ADAMTS6: variants seen among roughly 807,000 people sequenced by gnomAD.
ADAMTS6 encodes A disintegrin and metalloproteinase with thrombospondin motifs 6.
Under a neutral mutation model 144.3 loss-of-function variants are expected in ADAMTS6, and 23 were observed. The observed-to-expected ratio is 0.16, with a 90% confidence interval of 0.11 to 0.23. The LOEUF is 0.23. ADAMTS6 is among the 10% of genes least tolerant of loss of function. The probability of loss-of-function intolerance (pLI) is 1.00; values close to 1 mark genes in which losing one functional copy is unlikely to be tolerated. For synonymous variants in ADAMTS6, 444 were observed against 457.5 expected, an observed-to-expected ratio of 0.97 and a Z score of 0.38; for missense variants, 999 against 1,379.6, an observed-to-expected ratio of 0.72 and a Z score of 4.37.
chr5:65,426,916 C>G (rs952425428), intron 7 of ADAMTS6, among the ~76,000 whole-genome samples: 2 of 150,686 alleles, frequency 1.3e-5, no homozygotes, highest in Admixed American at 1.3e-4. Context: ...GGATAAACAG[C>G]TCTACACAAG....
chr5:65,183,313 A>G (rs1243123625), intron 22 of ADAMTS6, among the ~76,000 whole-genome samples: 1 of 152,178 alleles, frequency 6.6e-6, no homozygotes, highest in African/African-American at 2.4e-5. Flanking sequence ...CCAACAATCA[A>G]CTGAAGTCTG....
intron 10 of ADAMTS6, among the ~76,000 whole-genome samples, chr5:65,292,953 T>C (rs1349140063): frequency 5.9e-5 from 9 of 152,122 alleles, no homozygotes; most frequent in African/African-American, 9.6e-5. Flanking sequence ...AATTGACATG[T>C]ACCTCAGCAA....
intron 9 of ADAMTS6, among the ~76,000 whole-genome samples, chr5:65,309,120 G>A (rs967110262): frequency 1.8e-4 from 27 of 152,056 alleles, no homozygotes; most frequent in Non-Finnish European, 4.0e-4. Context: ...TGGGGTTGGT[G>A]GCGGGGGGGT....
intron 16 of ADAMTS6, among the ~76,000 whole-genome samples, chr5:65,225,540 A>G (rs1249711281): frequency 6.6e-6 from 1 of 152,208 alleles, no homozygotes; most frequent in Non-Finnish European, 1.5e-5. Context: ...GGAAAATAGC[A>G]TGGATTTGCT....
At chr5:65,303,448 T>C (rs1318421484) in intron 9 of ADAMTS6, among the ~76,000 whole-genome samples, 1 of 152,108 alleles carries the variant, frequency 6.6e-6, no homozygotes, top group Non-Finnish European at 1.5e-5. Flanking sequence ...ACTTTACTTA[T>C]GTATTTATTT....
At chr5:65,407,521 A>G (rs1737668320) in intron 7 of ADAMTS6, among the ~76,000 whole-genome samples, 2 of 113,750 alleles carry the variant, frequency 1.8e-5, no homozygotes, top group Admixed American at 2.5e-4. Flanking sequence ...CCGGTGTGTG[A>G]TGTTCCCCTT....
intron 2 of ADAMTS6, among the ~76,000 whole-genome samples, chr5:65,472,898 A>C (rs1681970830): frequency 6.6e-6 from 1 of 152,174 alleles, no homozygotes; most frequent in Non-Finnish European, 1.5e-5. Context: ...CATCGGCACC[A>C]AAAAATTATC....
At chr5:65,256,254 A>C (rs1049715433) in intron 14 of ADAMTS6, 5 of 152,238 alleles carry the variant, frequency 3.3e-5, no homozygotes, top group Non-Finnish European at 4.4e-5. Flanking sequence ...GCTAGTGGCT[A>C]TCGGGCTGGA....
At chr5:65,311,850 C>T (rs1374461732) in intron 9 of ADAMTS6, among the ~76,000 whole-genome samples, 1 of 151,952 alleles carries the variant, frequency 6.6e-6, no homozygotes, top group Non-Finnish European at 1.5e-5. Flanking sequence ...TGTTTTCAAA[C>T]CAAACAGAAG....
chr5:65,379,772 C>T (rs576503963), intron 7 of ADAMTS6, among the ~76,000 whole-genome samples: 99 of 152,006 alleles, frequency 6.5e-4, no homozygotes, highest in African/African-American at 2.3e-3. Flanking sequence ...CCTAAACACA[C>T]GCACACACAT....
intron 22 of ADAMTS6, among the ~76,000 whole-genome samples, chr5:65,178,678 T>G (rs764845415): frequency 6.6e-6 from 1 of 152,112 alleles, no homozygotes; most frequent in Non-Finnish European, 1.5e-5. Flanking sequence ...GCAGCAATGG[T>G]CCTGTTAGCA....
intron 18 of ADAMTS6, among the ~76,000 whole-genome samples, chr5:65,218,927 T>G (rs1309235831): frequency 6.6e-6 from 1 of 152,166 alleles, no homozygotes; most frequent in Non-Finnish European, 1.5e-5. Context: ...TGTATTATGA[T>G]AAATTAAAAA....
rs148514671 is a variant in ADAMTS6, at chr5:65,315,252, A to T, written c.1223+14126T>A. ...TTTAGTGCTATTTGAAGGCAGACTTAGATTAGTTAGAAATTTATATATATG... is the reference window on the plus strand; with the variant it reads ...TTTAGTGCTATTTGAAGGCAGACTTTGATTAGTTAGAAATTTATATATATG... On this transcript the variant is annotated intron_variant, in intron 9 of 24. Coordinates refer to ENST00000381055, the MANE Select transcript of ADAMTS6 (RefSeq NM_197941.4). Among the ~76,000 whole-genome samples, 849 of 152,072 alleles carry T rather than the reference A, an allele frequency of 5.6e-3. 8 individuals carry two copies. The highest frequency in any genetic ancestry group is 0.01 in the Middle Eastern group (3 of 294).
intron 7 of ADAMTS6, among the ~76,000 whole-genome samples, chr5:65,402,004 T>C (rs1251252141): frequency 6.6e-6 from 1 of 152,160 alleles, no homozygotes; most frequent in Non-Finnish European, 1.5e-5. Context: ...TTATTTAACA[T>C]TGTTATTTCC....
intron 7 of ADAMTS6, among the ~76,000 whole-genome samples, chr5:65,431,775 G>A (rs942277427): frequency 1.3e-5 from 2 of 152,046 alleles, no homozygotes; most frequent in Non-Finnish European, 2.9e-5. Context: ...TTGGGAATTT[G>A]GTTTTGGACA....
At chr5:65,349,032 C>T (rs920903955) in intron 7 of ADAMTS6, among the ~76,000 whole-genome samples, 2 of 152,052 alleles carry the variant, frequency 1.3e-5, no homozygotes, top group African/African-American at 4.8e-5. Context: ...TTTTACAGAA[C>T]ATGGTAGACC....
intron 14 of ADAMTS6, among the ~76,000 whole-genome samples, chr5:65,256,803 A>AT (rs1210834430): frequency 6.6e-6 from 1 of 151,896 alleles, no homozygotes; most frequent in Non-Finnish European, 1.5e-5. Context: ...GGTGGGTTTG[A>AT]TTTTTTCTCA....
chr5:65,229,260 T>C (rs1029525666), intron 15 of ADAMTS6, among the ~76,000 whole-genome samples: 2 of 152,150 alleles, frequency 1.3e-5, no homozygotes, highest in Admixed American at 1.3e-4. Flanking sequence ...AGTAGGGACA[T>C]CCATAGAAAA....
chr5:65,399,135 T>C (rs1753705814), intron 7 of ADAMTS6, among the ~76,000 whole-genome samples: 1 of 151,856 alleles, frequency 6.6e-6, no homozygotes, highest in Non-Finnish European at 1.5e-5. Flanking sequence ...TGGGCGCCTG[T>C]AATCCCATCT....
Sources: allele counts gnomAD v4.1 joint callset (sites outside exome capture counted in the v4.1 genomes callset), GRCh38; gene constraint gnomAD v4.1.1; transcripts MANE v1.5; gene names NCBI Gene and HGNC (gene_info 2026-07-23, HGNC 2026-07-21).